The following TMEM114 variants were observed in gnomAD, a reference collection of about 807,000 sequenced individuals.
TMEM114 encodes the protein transmembrane protein 114, also known as claudin-26.
A neutral mutation model predicts 6.2 loss-of-function variants in TMEM114; 6 were observed. The ratio of observed to expected loss-of-function variants is 0.97; its 90% CI spans 0.53 to 1.91. The LOEUF (loss-of-function observed/expected upper bound fraction) is 1.91, where lower values mean the gene tolerates loss of function less well. Ranked by LOEUF, TMEM114 falls within the 40% of genes most tolerant of loss-of-function variation. The pLI is 0.01. For synonymous variants in TMEM114, 104 were observed against 73.0 expected, an observed-to-expected ratio of 1.42 and a Z score of -2.16; for missense variants, 218 against 158.3, an observed-to-expected ratio of 1.38 and a Z score of -2.02.
chr16:8,552,210 G>T (rs1900867352), intron 2 of TMEM114, among the ~76,000 whole-genome samples: 1 of 143,898 alleles, frequency 6.9e-6, no homozygotes, highest in Non-Finnish European at 1.5e-5. Flanking sequence ...CCCTATCTCT[G>T]CAAAAAAAAA....
At chr16:8,571,202 T>A (rs1466431282) in intron 3 of TMEM114, among the ~76,000 whole-genome samples, 1 of 152,156 alleles carries the variant, frequency 6.6e-6, no homozygotes, top group Non-Finnish European at 1.5e-5. Context: ...AGGTCCCATT[T>A]TTCAAAACCT....
chr16:8,561,855 AG>A (rs1901219614), intron 2 of TMEM114, among the ~76,000 whole-genome samples: 1 of 28,072 alleles, frequency 3.6e-5, no homozygotes, highest in Non-Finnish European at 7.1e-5. Flanking sequence ...TGAATGAATG[AG>A]TGAGTGAGGG....
chr16:8,586,796 C>T (rs1434792759), intron 2 of TMEM114, among the ~76,000 whole-genome samples: 2 of 152,186 alleles, frequency 1.3e-5, no homozygotes, highest in Non-Finnish European at 2.9e-5. Context: ...AGACATGAGC[C>T]ACCACGCCTG....
At chr16:8,526,914 A>G in the TMEM114 span, among the ~76,000 whole-genome samples, 3 of 152,154 alleles carry the variant, frequency 2.0e-5, no homozygotes, top group Non-Finnish European at 4.4e-5. Flanking sequence ...GAACATGAAA[A>G]CATGCTGAGT....
chr16:8,569,699 G>T lies in TMEM114; in HGVS notation c.*74C>A. The T allele has an allele frequency of 6.8e-7, 1 of 1,467,368 alleles. No individual in the cohort carries two copies. Among genetic ancestry groups the T allele is most frequent in the Non-Finnish European group, 9.0e-7 (1 of 1,108,482 alleles). 90.9% of individuals were successfully genotyped at this position (1,467,368 alleles called of 1,614,324 possible). On this transcript the variant is annotated 3_prime_UTR_variant, in exon 4 of 4. Transcript: ENST00000620492. Reference sequence around the variant, plus strand: ...AGTGGCCTTTGAGGAAGAAGAGGCCGCAGCCGATGGAGATCGGTCGGTGAA... The same window carrying T: ...AGTGGCCTTTGAGGAAGAAGAGGCCTCAGCCGATGGAGATCGGTCGGTGAA...
chr16:8,568,861 A>C (rs771908350), downstream of TMEM114, among the ~76,000 whole-genome samples: 7 of 152,232 alleles, frequency 4.6e-5, no homozygotes, highest in Non-Finnish European at 1.0e-4. Context: ...GGATTTTTGG[A>C]AGATACCCAG....
chr16:8,552,706 GAAA>G (rs113312584), intron 2 of TMEM114, among the ~76,000 whole-genome samples: 1 of 137,894 alleles, frequency 7.3e-6, no homozygotes. Context: ...AAATAAATAG[GAAA>G]AAAAAAAAAA....
the TMEM114 span, among the ~76,000 whole-genome samples, chr16:8,530,302 C>T: frequency 6.6e-6 from 1 of 152,162 alleles, no homozygotes; most frequent in Non-Finnish European, 1.5e-5. Context: ...GTGAGTATTG[C>T]GGAGACCTGG....
chr16:8,589,048 C>T (rs1033704287), intron 2 of TMEM114, among the ~76,000 whole-genome samples, 165 bp downstream of exon 2: 4 of 152,220 alleles, frequency 2.6e-5, no homozygotes, highest in Admixed American at 6.5e-5. Context: ...TCAGGAGAGA[C>T]CCTGCCCCCC....
intron 2 of TMEM114, among the ~76,000 whole-genome samples, chr16:8,562,934 GAAT>G (rs1901319671): frequency 1.1e-5 from 1 of 91,752 alleles, no homozygotes; most frequent in Non-Finnish European, 2.4e-5. Flanking sequence ...GTGAGTGAGT[GAAT>G]TAGTGAGTAA....
At position 8,589,845 on chromosome 16, in the gene TMEM114, G is replaced by T. The variant is rs1472616994; in HGVS notation, c.-7C>A. 1.5e-5 allele frequency: 6 copies of T among 396,698 alleles called. No homozygotes were observed. Among genetic ancestry groups the T allele is most frequent in the Non-Finnish European group, 2.7e-5 (6 of 225,166 alleles). 24.6% of individuals were successfully genotyped at this position (396,698 alleles called of 1,614,324 possible). On this transcript the variant is annotated 5_prime_UTR_variant, in exon 1 of 4. Coordinates refer to ENST00000620492, the MANE Select transcript of TMEM114 (RefSeq NM_001146336.2). The stretch of plus-strand genomic sequence containing the variant: ...CGCCCAGGTGCACCCGCATCGCCGA[G>T]CCCAGGACCAGCAGCCGCGGGTTCC...
chr16:8,528,296 A>G, the TMEM114 span, among the ~76,000 whole-genome samples: 12 of 152,280 alleles, frequency 7.9e-5, no homozygotes, highest in East Asian at 1.2e-3. Flanking sequence ...AGGAATTCAT[A>G]AGTTCTGATA....
chr16:8,551,454 A>G (rs1900841289), intron 2 of TMEM114, among the ~76,000 whole-genome samples: 2 of 152,218 alleles, frequency 1.3e-5, no homozygotes, highest in African/African-American at 4.8e-5. Context: ...TTAAAAAACA[A>G]AGATGAAAAT....
At chr16:8,588,964 T>C (rs1902399470) in intron 2 of TMEM114, among the ~76,000 whole-genome samples, 2 of 151,986 alleles carry the variant, frequency 1.3e-5, no homozygotes, top group African/African-American at 4.8e-5. Flanking sequence ...TAACCATCCA[T>C]CAAAACGGTG....
chr16:8,587,445 T>A (rs1902351229), intron 2 of TMEM114, among the ~76,000 whole-genome samples: 1 of 152,170 alleles, frequency 6.6e-6, no homozygotes, highest in African/African-American at 2.4e-5. Flanking sequence ...AAAAAAGTCA[T>A]ACAATTTGCA....
intron 2 of TMEM114, among the ~76,000 whole-genome samples, chr16:8,557,568 C>T (rs1308572599): frequency 1.3e-5 from 2 of 152,182 alleles, no homozygotes; most frequent in Admixed American, 6.5e-5. Context: ...GTTTTGGCCA[C>T]TACATCTTGG....
At chr16:8,584,019 A>T (rs1292612293) in intron 2 of TMEM114, among the ~76,000 whole-genome samples, 1 of 152,198 alleles carries the variant, frequency 6.6e-6, no homozygotes, top group African/African-American at 2.4e-5. Context: ...CATGTCACCC[A>T]ATGTGGTCCA....
chr16:8,571,761 G>T (rs1284751114), intron 3 of TMEM114, among the ~76,000 whole-genome samples: 1 of 152,162 alleles, frequency 6.6e-6, no homozygotes, highest in African/African-American at 2.4e-5. Context: ...AGCGAGGGTG[G>T]CTGGAGCGAG....
intron 2 of TMEM114, among the ~76,000 whole-genome samples, chr16:8,576,656 G>A (rs1258095559): frequency 6.6e-6 from 1 of 151,852 alleles, no homozygotes; most frequent in Non-Finnish European, 1.5e-5. Flanking sequence ...AACCTAGAAT[G>A]TAGTACATGC....
Sources: allele counts gnomAD v4.1 joint callset (sites outside exome capture counted in the v4.1 genomes callset), GRCh38; gene constraint gnomAD v4.1.1; transcripts MANE v1.5; gene names NCBI Gene and HGNC (gene_info 2026-07-23, HGNC 2026-07-21).